Variants in CELF2 observed in about 807,000 individuals in gnomAD.
CELF2 encodes CUGBP Elav-like family member 2.
A neutral mutation model predicts 62.6 loss-of-function variants in CELF2; 8 were observed. The ratio of observed to expected loss-of-function variants is 0.13; its 90% CI spans 0.07 to 0.23. The LOEUF (loss-of-function observed/expected upper bound fraction) is 0.23, where lower values mean the gene tolerates loss of function less well. CELF2 is among the 10% of genes least tolerant of loss of function. The probability of loss-of-function intolerance (pLI) is 1.00; values close to 1 mark genes in which losing one functional copy is unlikely to be tolerated. For missense variants in CELF2, 333 were observed against 671.0 expected (o/e 0.50, Z 5.56); for synonymous variants, 258 against 250.0 (o/e 1.03, Z -0.30).
At chr10:10,782,086 A>C in the CELF2 span, among the ~76,000 whole-genome samples, 1 of 152,342 alleles carries the variant, frequency 6.6e-6, no homozygotes, top group African/African-American at 2.4e-5. Context: ...ATTTTACGGA[A>C]GGAATTTCAG....
the CELF2 span, among the ~76,000 whole-genome samples, chr10:10,670,791 T>C: frequency 2.6e-5 from 4 of 152,168 alleles, no homozygotes; most frequent in African/African-American, 4.8e-5. Flanking sequence ...ATCTTTTTAC[T>C]GTCTCCATAG....
the CELF2 span, among the ~76,000 whole-genome samples, chr10:10,681,798 T>C: frequency 2.0e-5 from 3 of 152,176 alleles, no homozygotes; most frequent in East Asian, 3.9e-4. Context: ...CAGCTCCTAA[T>C]TCATCAATCT....
rs148033165 is a variant in CELF2, at chr10:11,300,546, C to G, written c.976+11994C>G. On this transcript the variant is annotated intron_variant, in intron 9 of 12. Transcript: ENST00000633077. The surrounding 1 kb of genome is among the most constrained non-coding windows in gnomAD (Gnocchi z 5.5). ...CCCTACCTCCTCTTCCTCAGTCACC[C>G]CGCCCCTCCCTGCCCAAACTATCTT... 5.3e-5 allele frequency among the ~76,000 whole-genome samples: 8 copies of G among 152,294 alleles called. No individual in the cohort carries two copies. In the East Asian group the frequency reaches 1.5e-3, roughly 29 times the overall value.
In CELF2 at chr10:11,233,279, A is replaced by C. The variant is rs146541273; in HGVS notation, c.354+15772A>C. On this transcript the variant is annotated intron_variant, in intron 3 of 12. Coordinates refer to ENST00000633077, the MANE Select transcript of CELF2 (RefSeq NM_001326342.2). ...CCATGGGCTTTCACACACGCAGGAG[A>C]AACAAACGCTGTCTCCTAAGTTACA... Among the ~76,000 whole-genome samples the C allele has an allele frequency of 8.5e-5, 13 of 152,280 alleles. No homozygotes were observed. In the East Asian group the frequency reaches 2.5e-3, roughly 29 times the overall value.
At chr10:11,072,265 C>A (rs34983195) in intron 1 of CELF2, among the ~76,000 whole-genome samples, 40,675 of 151,894 alleles carry the variant, frequency 0.27, 5,946 homozygotes, top group African/African-American at 0.38. Flanking sequence ...CCTTCTCCTC[C>A]TCTCTCTAAT....
At chr10:11,034,085 A>G (rs1208899483) in intron 1 of CELF2, among the ~76,000 whole-genome samples, 1 of 152,226 alleles carries the variant, frequency 6.6e-6, no homozygotes, top group Non-Finnish European at 1.5e-5. Flanking sequence ...CAAAAATTGT[A>G]TGAAGTATAA....
At chr10:10,615,823 A>G in the CELF2 span, among the ~76,000 whole-genome samples, 3 of 152,138 alleles carry the variant, frequency 2.0e-5, no homozygotes. Context: ...CATAAGCCCA[A>G]TTAAACCTCT....
chr10:11,321,430 C>T lies in CELF2; in HGVS notation c.1294+44C>T. ...CCCAGGCAGGGCCCAGCCCAACAGGCAGCACTGGCCTCTAGAGCACGGTTA... is the reference window on the plus strand; with the variant it reads ...CCCAGGCAGGGCCCAGCCCAACAGGTAGCACTGGCCTCTAGAGCACGGTTA... On this transcript the variant is annotated intron_variant, in intron 11 of 12. Coordinates refer to ENST00000633077, the MANE Select transcript of CELF2 (RefSeq NM_001326342.2). This position sits in a 1 kb window ranked among gnomAD's most constrained non-coding sequence, Gnocchi z 6.2. 1 of 1,507,292 alleles carries T rather than the reference C, an allele frequency of 6.6e-7. No individual in the cohort carries two copies. Among genetic ancestry groups the T allele is most frequent in the East Asian group, 2.3e-5 (1 of 44,110 alleles). The allele number at this position is 1,507,292 out of a possible 1,614,324, so 93.4% of individuals were successfully genotyped here.
chr10:11,165,327 CTTTG>C lies in CELF2; in HGVS notation c.75-155_75-152del, dbSNP rs2066749062. ...CGAGGAGCAACTCATGGTGCCTCCG[CTTTG>C]TTTTAGTTCATCAAATTTCTACGAC... On this transcript the variant is annotated intron_variant, in intron 1 of 12. Transcript: ENST00000633077. This position sits in a 1 kb window ranked among gnomAD's most constrained non-coding sequence, Gnocchi z 7.4. 2 of 1,425,970 alleles carry C rather than the reference CTTTG, an allele frequency of 1.4e-6. No individual in the cohort carries two copies. The highest frequency in any genetic ancestry group is 1.8e-6 in the Non-Finnish European group (2 of 1,094,292). The allele number at this position is 1,425,970 out of a possible 1,614,324, so 88.3% of individuals were successfully genotyped here.
In CELF2 at chr10:11,311,325, A is replaced by G. The variant is rs139027515; in HGVS notation, c.977-2814A>G. 6.6e-6 allele frequency among the ~76,000 whole-genome samples: 1 copy of G among 152,358 alleles called. No individual in the cohort carries two copies. Among genetic ancestry groups the G allele is most frequent in the Non-Finnish European group, 1.5e-5 (1 of 68,034 alleles). On this transcript the variant is annotated intron_variant, in intron 9 of 12. Transcript: ENST00000633077. This position sits in a 1 kb window ranked among gnomAD's most constrained non-coding sequence, Gnocchi z 4.7. ...TGAAGTTAAAGTATCCCCAGCTTGT[A>G]GTTTCCTCCAGCACCTTGTAGAATC...
At chr10:10,474,204 A>G in the CELF2 span, among the ~76,000 whole-genome samples, 1 of 152,038 alleles carries the variant, frequency 6.6e-6, no homozygotes, top group Non-Finnish European at 1.5e-5. Context: ...GTTCTTAAGG[A>G]GGCAGAGGCA....
the CELF2 span, among the ~76,000 whole-genome samples, chr10:10,647,720 T>G: frequency 1.3e-5 from 2 of 152,228 alleles, no homozygotes; most frequent in Non-Finnish European, 2.9e-5. Context: ...TTGCTTTCTT[T>G]TAAAACTTTG....
chr10:10,976,570 T>C (rs1164700825), intron 2 of CELF2, among the ~76,000 whole-genome samples: 1 of 152,216 alleles, frequency 6.6e-6, no homozygotes, highest in Non-Finnish European at 1.5e-5. Flanking sequence ...TGCTCCTTTT[T>C]CTTGTCTTCC....
Position 11,098,261 on chromosome 10 carries a change from G to A in CELF2, c.75-67225G>A, listed in dbSNP as rs12774218. On this transcript the variant is annotated intron_variant, in intron 1 of 12. Coordinates refer to ENST00000633077, the MANE Select transcript of CELF2 (RefSeq NM_001326342.2). This position sits in a 1 kb window ranked among gnomAD's most constrained non-coding sequence, Gnocchi z 4.0. ...TGGGACGTTCTGTGCTGTGAGCAGC[G>A]ACGGGCACCCAGCAGCCCTCGCCTT... The A allele has an allele frequency of 0.19, 28,613 of 152,276 alleles. 2,815 individuals are homozygous for A. Among genetic ancestry groups the A allele is most frequent in the Non-Finnish European group, 0.23 (15,343 of 68,102 alleles). 9.4% of individuals were successfully genotyped at this position (152,276 alleles called of 1,614,324 possible).
the CELF2 span, among the ~76,000 whole-genome samples, chr10:10,519,874 A>G: frequency 6.6e-6 from 1 of 152,212 alleles, no homozygotes; most frequent in African/African-American, 2.4e-5. Context: ...GTGGTCTCAC[A>G]GTTTTAGGAG....
chr10:10,472,717 A>G, the CELF2 span, among the ~76,000 whole-genome samples: 3 of 151,904 alleles, frequency 2.0e-5, no homozygotes, highest in Admixed American at 1.3e-4. Context: ...CTGTTATTAC[A>G]GTATTTAATT....
intron 9 of CELF2, among the ~76,000 whole-genome samples, chr10:11,307,200 C>T (rs1441001500): frequency 5.9e-5 from 9 of 152,374 alleles, no homozygotes; most frequent in South Asian, 2.1e-4. Flanking sequence ...TGCCCCAGGG[C>T]GAAGCACTCT....
At chr10:11,141,855 A>C (rs78410687) in intron 1 of CELF2, among the ~76,000 whole-genome samples, 7,276 of 152,318 alleles carry the variant, frequency 0.048, 188 homozygotes, top group African/African-American at 0.059. Context: ...CAGTAGTTTC[A>C]CATATAGTAT....
intron 2 of CELF2, among the ~76,000 whole-genome samples, chr10:11,179,556 A>G (rs991284256): frequency 6.6e-6 from 1 of 152,204 alleles, no homozygotes; most frequent in Non-Finnish European, 1.5e-5. Context: ...TACAGTTACT[A>G]TTCTGTGGAG....
Sources: allele counts gnomAD v4.1 joint callset (sites outside exome capture counted in the v4.1 genomes callset), GRCh38; gene constraint gnomAD v4.1.1; non-coding constraint Gnocchi (gnomAD v3.1); transcripts MANE v1.5; gene names NCBI Gene and HGNC (gene_info 2026-07-23, HGNC 2026-07-21).